Variants in SLC6A6 observed in about 807,000 individuals in gnomAD.
The protein encoded by SLC6A6 is solute carrier family 6 member 6.
SLC6A6 carries 16 observed loss-of-function variants against 68.8 expected under a neutral mutation model. That is an observed-to-expected ratio of 0.23 (90% confidence interval 0.16 to 0.35). The LOEUF (loss-of-function observed/expected upper bound fraction) is 0.35. SLC6A6 is among the 10% of genes least tolerant of loss of function. The probability of loss-of-function intolerance (pLI) is 1.00; values close to 1 mark genes in which losing one functional copy is unlikely to be tolerated. For missense variants in SLC6A6, 474 were observed against 802.8 expected, an observed-to-expected ratio of 0.59 and a Z score of 4.95; for synonymous variants, 312 against 315.4, an observed-to-expected ratio of 0.99 and a Z score of 0.12.
intron 13 of SLC6A6, among the ~76,000 whole-genome samples, chr3:14,480,983 CAG>C (rs1205315414): frequency 6.6e-6 from 1 of 152,220 alleles, no homozygotes; most frequent in African/African-American, 2.4e-5. Flanking sequence ...GCTGGTGGCT[CAG>C]AGATAGACAT....
rs1701211790 is a variant in SLC6A6, at chr3:14,487,802, G to C, written c.*2795G>C. The C allele has an allele frequency of 6.6e-6, 1 of 152,272 alleles. No individual in the cohort carries two copies. Among genetic ancestry groups the C allele is most frequent in the Non-Finnish European group, 1.5e-5 (1 of 68,072 alleles). The allele number at this position is 152,272 out of a possible 1,614,324, so 9.4% of individuals were successfully genotyped here. A position where few individuals can be genotyped will look rare whatever the true frequency, so the allele number is the denominator to read the frequency against. ...TTTTCTTGAAACAGCTCTAGCTGCA[G>C]GTTCTCCGAGGTAGGTGCAGGGAAT... On this transcript the variant is annotated 3_prime_UTR_variant, in exon 15 of 15. Coordinates refer to ENST00000622186, the MANE Select transcript of SLC6A6 (RefSeq NM_003043.6).
At chr3:14,443,590 C>T (rs1440659432) in intron 2 of SLC6A6, 34 bp from the exon 3 acceptor site, 1 of 1,408,996 alleles carries the variant, frequency 7.1e-7, no homozygotes, top group East Asian at 2.3e-5. Flanking sequence ...GGTCCCTCAT[C>T]AGCTGCAGGA....
intron 6 of SLC6A6, among the ~76,000 whole-genome samples, chr3:14,460,478 T>A (rs145960381): frequency 6.6e-6 from 1 of 152,166 alleles, no homozygotes; most frequent in Non-Finnish European, 1.5e-5. Context: ...GGTGAGTATG[T>A]GGAGGGGAAA....
At chr3:14,469,652 C>G (rs560456990) in intron 9 of SLC6A6, among the ~76,000 whole-genome samples, 2 of 152,294 alleles carry the variant, frequency 1.3e-5, no homozygotes, top group Non-Finnish European at 2.9e-5. Flanking sequence ...AAGGGTGTCC[C>G]CCTCCTGCCA....
chr3:14,411,636 G>T (rs1224432293), intron 1 of SLC6A6, among the ~76,000 whole-genome samples: 1 of 152,174 alleles, frequency 6.6e-6, no homozygotes, highest in Non-Finnish European at 1.5e-5. Flanking sequence ...CCAGCCTAGG[G>T]GTGTGGCACA....
chr3:14,457,822 G>A, intron 5 of SLC6A6, 128 bp from the exon 6 acceptor site: 2 of 791,260 alleles, frequency 2.5e-6, no homozygotes, highest in Non-Finnish European at 4.2e-6. Context: ...TTGGAAAGGT[G>A]AGGTGACTTA....
chr3:14,445,197 C>T (rs534447946), intron 3 of SLC6A6, among the ~76,000 whole-genome samples: 6 of 151,986 alleles, frequency 3.9e-5, no homozygotes, highest in African/African-American at 7.2e-5. Context: ...CCAAGGCGGG[C>T]GGATCACGAG....
intron 9 of SLC6A6, among the ~76,000 whole-genome samples, chr3:14,469,256 CCTGGGGCTA>C (rs1036295705): frequency 6.6e-6 from 1 of 152,104 alleles, no homozygotes; most frequent in African/African-American, 2.4e-5. Context: ...ATACAACTTC[CCTGGGGCTA>C]CCTGGAGGTG....
intron 1 of SLC6A6, among the ~76,000 whole-genome samples, chr3:14,405,488 C>A (rs1164632679): frequency 6.6e-6 from 1 of 152,220 alleles, no homozygotes; most frequent in Non-Finnish European, 1.5e-5. Context: ...ATTATAAGGG[C>A]TCCCCAGAAT....
intron 2 of SLC6A6, among the ~76,000 whole-genome samples, chr3:14,425,184 C>T (rs995126302): frequency 1.3e-5 from 2 of 152,178 alleles, no homozygotes; most frequent in East Asian, 1.9e-4. Flanking sequence ...TAATTCACGA[C>T]GATGACCCAT....
chr3:14,476,315 TGGA>T (rs1262356475), intron 10 of SLC6A6, among the ~76,000 whole-genome samples: 2 of 152,120 alleles, frequency 1.3e-5, no homozygotes, highest in East Asian at 3.9e-4. Flanking sequence ...ACCCACAGGG[TGGA>T]GTTTTATCAA....
chr3:14,447,437 C>G, intron 4 of SLC6A6, 145 bp from the exon 5 acceptor site: 1 of 948,330 alleles, frequency 1.1e-6, no homozygotes. Flanking sequence ...GCCATCCATT[C>G]ACCCTATAAA....
At position 14,402,748 on chromosome 3, in the gene SLC6A6, C is replaced by G; in HGVS notation, c.-153C>G. 2.5e-6 allele frequency: 1 copy of G among 398,070 alleles called. No individual in the cohort carries two copies. The highest frequency in any genetic ancestry group is 4.4e-6 in the Non-Finnish European group (1 of 225,694). 24.7% of individuals were successfully genotyped at this position (398,070 alleles called of 1,614,324 possible). ...AGCTGCGCCAAGAGGGAGTGCGGAG[C>G]GTTCACCCAGCGGGTCAGAGAGCGA... On this transcript the variant is annotated 5_prime_UTR_variant, in exon 1 of 15. Coordinates refer to ENST00000622186, the MANE Select transcript of SLC6A6 (RefSeq NM_003043.6). This position sits in a 1 kb window ranked among gnomAD's most constrained non-coding sequence, Gnocchi z 4.8.
At chr3:14,418,274 T>C (rs1699409638) in intron 2 of SLC6A6, among the ~76,000 whole-genome samples, 1 of 152,150 alleles carries the variant, frequency 6.6e-6, no homozygotes, top group East Asian at 1.9e-4. Flanking sequence ...CTCCCACTGG[T>C]CCAGGGTTCG....
At position 14,484,950 on chromosome 3, in the gene SLC6A6, C is replaced by T. The variant is rs1222442111; in HGVS notation, c.1806C>T (p.Thr602=). Residue 602 remains threonine, a synonymous_variant, in exon 15 of 15, where the codon ACC becomes ACT. Transcript: ENST00000622186. ...REGATPYNSR[T]VMNGALVKPT... ...GAGCCACACCTTACAACTCTCGCAC[C>T]GTCATGAACGGCGCTCTCGTGAAAC... 7 of 1,612,948 alleles carry T rather than the reference C, an allele frequency of 4.3e-6. No individual in the cohort carries two copies. The African/African-American group carries it at 5.3e-5, about 12-fold the overall frequency.
intron 2 of SLC6A6, among the ~76,000 whole-genome samples, chr3:14,423,331 C>G (rs1278420827): frequency 6.6e-6 from 1 of 152,162 alleles, no homozygotes. Context: ...GAGTGTGAGA[C>G]ACTCACACAT....
At chr3:14,447,268 A>AACATCCAAC in intron 4 of SLC6A6, among the ~76,000 whole-genome samples, 1 of 123,812 alleles carries the variant, frequency 8.1e-6, no homozygotes, top group African/African-American at 2.9e-5. Flanking sequence ...ATCCATCCAA[A>AACATCCAAC]CATCCAACCA....
chr3:14,424,598 G>T (rs562032935), intron 2 of SLC6A6, among the ~76,000 whole-genome samples: 7 of 152,288 alleles, frequency 4.6e-5, no homozygotes, highest in Admixed American at 4.6e-4. Context: ...CCTCGGATCT[G>T]TTCAGAGTGG....
At chr3:14,435,001 T>G (rs557195868) in intron 2 of SLC6A6, among the ~76,000 whole-genome samples, 91 of 152,338 alleles carry the variant, frequency 6.0e-4, no homozygotes, top group Middle Eastern at 3.4e-3. Context: ...ACTCATACCG[T>G]GTCTCGCCAC....
Sources: gnomAD v4.1 joint callset for allele counts (sites outside exome capture counted in the v4.1 genomes callset) on GRCh38, gnomAD v4.1.1 for gene constraint, Gnocchi (gnomAD v3.1) non-coding constraint, MANE v1.5 for transcripts, NCBI Gene and HGNC (gene_info 2026-07-23, HGNC 2026-07-21) for gene names.